RPS24: variants seen among roughly 807,000 people sequenced by gnomAD.
RPS24 encodes the protein small ribosomal subunit protein eS24.
For synonymous variants in RPS24, 72 were observed against 55.6 expected (o/e 1.30, Z -1.31); for missense variants, 100 against 162.5 (o/e 0.62, Z 2.09).
chr10:78,035,989 G>A (rs970707097), intron 3 of RPS24: 30 of 456,206 alleles, frequency 6.6e-5, no homozygotes, highest in African/African-American at 5.8e-4. Flanking sequence ...GGAGAAGTAA[G>A]GGGATGTGTT....
At chr10:78,041,199 C>A (rs1336438969), downstream of RPS24, among the ~76,000 whole-genome samples, 1 of 152,096 alleles carries the variant, frequency 6.6e-6, no homozygotes, top group Non-Finnish European at 1.5e-5. Flanking sequence ...AGCTGAAAGA[C>A]TTGGTTGGGC....
chr10:78,042,799 AC>A (rs1301517037), downstream of RPS24, among the ~76,000 whole-genome samples: 4 of 152,064 alleles, frequency 2.6e-5, no homozygotes, highest in Admixed American at 1.3e-4. Flanking sequence ...TTTTCCTAGC[AC>A]CACAACCATG....
intron 4 of RPS24, among the ~76,000 whole-genome samples, chr10:78,051,886 T>A (rs1848101860): frequency 6.6e-6 from 1 of 152,228 alleles, no homozygotes; most frequent in Non-Finnish European, 1.5e-5. Flanking sequence ...TTTGAATCCT[T>A]TGCTTATTTT....
intron 4 of RPS24, chr10:78,038,041 G>T (rs1347410040): frequency 7.2e-6 from 8 of 1,114,820 alleles, no homozygotes; most frequent in Non-Finnish European, 1.2e-6. Context: ...TTGCTTTGAT[G>T]ATGCTTTGCA....
chr10:78,034,096 C>T (rs951807086), intron 1 of RPS24, 192 bp downstream of exon 1: 125 of 550,724 alleles, frequency 2.3e-4, no homozygotes, highest in Non-Finnish European at 3.6e-4. Flanking sequence ...GCTGTAGACC[C>T]GGACACGCTG....
Position 78,038,705 on chromosome 10 carries a change from G to A in RPS24, c.390+1401G>A, listed in dbSNP as rs188049903. The A allele has an allele frequency of 2.0e-5, 3 of 152,182 alleles. No individual in the cohort carries two copies. In the East Asian group the frequency reaches 5.8e-4, roughly 29 times the overall value. The allele number at this position is 152,182 out of a possible 1,614,324, so 9.4% of individuals were successfully genotyped here. ...CTTGTCACCCAGGCTGGAGTACAGT[G>A]GCATGATCATGGGTTACTGTACCTC... On this transcript the variant is annotated intron_variant, in intron 4 of 5. Transcript: ENST00000372360.
At chr10:78,035,152 C>T (rs1847835679) in intron 1 of RPS24, among the ~76,000 whole-genome samples, 200 bp from the exon 2 acceptor site, 1 of 152,120 alleles carries the variant, frequency 6.6e-6, no homozygotes, top group Non-Finnish European at 1.5e-5. Context: ...ATGTGTAAAA[C>T]CATTGTGTTT....
intron 4 of RPS24, among the ~76,000 whole-genome samples, chr10:78,047,605 T>C (rs1848058597): frequency 6.6e-6 from 1 of 152,156 alleles, no homozygotes; most frequent in Non-Finnish European, 1.5e-5. Context: ...ATGGGGGTGG[T>C]AATCTTGTTT....
rs143897029 is a variant in RPS24, at chr10:78,054,104, T to C, written c.391-427T>C. 7.7e-4 allele frequency among the ~76,000 whole-genome samples: 117 copies of C among 152,144 alleles called. No individual in the cohort carries two copies. In the East Asian group the frequency reaches 0.015, roughly 19 times the overall value. On this transcript the variant is annotated intron_variant, in intron 4 of 4. Transcript: ENST00000440692. ...GTGCCTAGGGTGCTCCTCAAGATCC[T>C]AAGGCTTGGCCTGGAGTGCTGTTGG... is the stretch of plus-strand genomic sequence containing the variant.
intron 4 of RPS24, among the ~76,000 whole-genome samples, chr10:78,052,605 A>G (rs989250411): frequency 7.2e-5 from 11 of 152,272 alleles, no homozygotes; most frequent in South Asian, 4.2e-4. Flanking sequence ...GCTCTGCCCT[A>G]TCTCCCTTTG....
In RPS24 at chr10:78,054,795, G is replaced by A. The variant is rs561475282; in HGVS notation, c.655G>A (p.Gly219Arg). The stretch of plus-strand genomic sequence containing the variant: ...TTTGGAGAGGGCACTGGTCAGAAAC[G>A]GAGCCTTCATGTCGCCTGCCTCACC... The change falls in exon 5 of 5, where the codon GGA (glycine) becomes AGA (arginine). Residue 219 changes from glycine to arginine, a missense_variant. Physicochemically the swap from Gly to Arg is moderately radical, Grantham distance 125. Transcript: ENST00000440692. The A allele has an allele frequency of 3.0e-5, 46 of 1,551,606 alleles. No homozygotes were observed. In the African/African-American group the frequency reaches 5.9e-4, roughly 20 times the overall value.
In RPS24 at chr10:78,053,233, G is replaced by A. The variant is rs112249095; in HGVS notation, c.391-1298G>A. Among the ~76,000 whole-genome samples the A allele has an allele frequency of 4.3e-4, 65 of 152,200 alleles. 1 individual carries two copies. Among genetic ancestry groups the A allele is most frequent in the African/African-American group, 1.4e-3 (59 of 41,550 alleles). ...AAAAACCTCGGAGCTAATGGAAGGG[G>A]CCTGCCCCCTGGGAAGCAGCAAGCT... On this transcript the variant is annotated intron_variant, in intron 4 of 4. Transcript: ENST00000440692.
intron 1 of RPS24, among the ~76,000 whole-genome samples, chr10:78,035,025 A>G (rs943933909): frequency 6.6e-6 from 1 of 152,216 alleles, no homozygotes; most frequent in African/African-American, 2.4e-5. Flanking sequence ...TCTAAAACAT[A>G]CAGTCCCCAC....
At chr10:78,050,736 A>G (rs1000584941) in intron 4 of RPS24, among the ~76,000 whole-genome samples, 1 of 152,110 alleles carries the variant, frequency 6.6e-6, no homozygotes, top group African/African-American at 2.4e-5. Context: ...TCAGCCTCCC[A>G]CATAACTAGG....
chr10:78,042,521 T>C (rs1847997109), downstream of RPS24, among the ~76,000 whole-genome samples: 1 of 152,204 alleles, frequency 6.6e-6, no homozygotes, highest in African/African-American at 2.4e-5. Context: ...GAACTCAAAC[T>C]GTGGACAGAT....
At position 78,038,189 on chromosome 10, in the gene RPS24, A is replaced by G. The variant is rs1242077396; in HGVS notation, c.390+885A>G. 3 of 234,032 alleles carry G rather than the reference A, an allele frequency of 1.3e-5. No homozygotes were observed. In the East Asian group the frequency reaches 3.5e-4, roughly 27 times the overall value. The allele number at this position is 234,032 out of a possible 1,614,324, so 14.5% of individuals were successfully genotyped here. A position where few individuals can be genotyped will look rare whatever the true frequency, so the allele number is the denominator to read the frequency against. ...CTAATATGTTTTAAGATAGTATATTATGAGCAAAGGAGAAAACGTTTAAAA... is the reference window on the plus strand; with the variant it reads ...CTAATATGTTTTAAGATAGTATATTGTGAGCAAAGGAGAAAACGTTTAAAA... On this transcript the variant is annotated intron_variant, in intron 4 of 5. Coordinates refer to ENST00000372360, the MANE Select transcript of RPS24 (RefSeq NM_033022.4).
At chr10:78,047,144 T>C (rs1181295271) in intron 4 of RPS24, among the ~76,000 whole-genome samples, 1 of 151,742 alleles carries the variant, frequency 6.6e-6, no homozygotes, top group Admixed American at 6.6e-5. Context: ...TTTGTACTTT[T>C]TAGTAGAGAT....
intron 4 of RPS24, among the ~76,000 whole-genome samples, chr10:78,049,852 A>G (rs983272728): frequency 1.3e-5 from 2 of 152,128 alleles, no homozygotes; most frequent in African/African-American, 4.8e-5. Flanking sequence ...TGCAACACCT[A>G]ATAACTGTGA....
chr10:78,040,981 A>G (rs542685296), downstream of RPS24, among the ~76,000 whole-genome samples: 6 of 151,640 alleles, frequency 4.0e-5, no homozygotes, highest in South Asian at 1.3e-3. Context: ...ATTACACTTA[A>G]GCCCAGGAGC....
Sources: allele counts gnomAD v4.1 joint callset (sites outside exome capture counted in the v4.1 genomes callset), GRCh38; gene constraint gnomAD v4.1.1; transcripts MANE v1.5; gene names NCBI Gene and HGNC (gene_info 2026-07-23, HGNC 2026-07-21).